GRIP1: variants seen among roughly 807,000 people sequenced by gnomAD.
The protein encoded by GRIP1 is glutamate receptor-interacting protein 1.
GRIP1 carries 45 observed loss-of-function variants against 129.9 expected under a neutral mutation model. The ratio of observed to expected loss-of-function variants is 0.35; its 90% CI spans 0.27 to 0.44. The LOEUF (loss-of-function observed/expected upper bound fraction) is 0.44, where lower values mean the gene tolerates loss of function less well. Among genes scored for constraint, GRIP1 ranks in the 20% least tolerant of loss-of-function variants. The probability of loss-of-function intolerance (pLI) is 1.00; values close to 1 mark genes in which losing one functional copy is unlikely to be tolerated. For synonymous variants in GRIP1, 530 were observed against 520.8 expected, an observed-to-expected ratio of 1.02 and a Z score of -0.24; for missense variants, 1,196 against 1,396.8, an observed-to-expected ratio of 0.86 and a Z score of 2.29.
At chr12:66,486,611 C>T (rs1263290084) in intron 7 of GRIP1, among the ~76,000 whole-genome samples, 1 of 152,078 alleles carries the variant, frequency 6.6e-6, no homozygotes, top group African/African-American at 2.4e-5. Context: ...TGTTGCCATC[C>T]ACTTAAGATG....
At chr12:66,842,129 C>T (rs980948217) in intron 1 of GRIP1, among the ~76,000 whole-genome samples, 3 of 151,794 alleles carry the variant, frequency 2.0e-5, no homozygotes, top group Non-Finnish European at 4.4e-5. Flanking sequence ...AGTATATGCC[C>T]ATGATAGAAA....
intron 23 of GRIP1, among the ~76,000 whole-genome samples, chr12:66,358,040 C>A (rs548322685): frequency 1.3e-5 from 2 of 152,212 alleles, no homozygotes; most frequent in East Asian, 3.9e-4. Context: ...ATTACAGGCA[C>A]CTGCCCCTAC....
At chr12:67,065,087 A>AT (rs1411827880) in intron 1 of GRIP1, 1 of 151,950 alleles carries the variant, frequency 6.6e-6, no homozygotes, top group African/African-American at 2.4e-5. Context: ...TGAACTCATC[A>AT]TTTTTTATGG....
intron 1 of GRIP1, among the ~76,000 whole-genome samples, chr12:66,946,320 T>C (rs1360916080): frequency 6.6e-6 from 1 of 152,216 alleles, no homozygotes; most frequent in Non-Finnish European, 1.5e-5. Flanking sequence ...CAGCTTTAGA[T>C]AACCTAAACC....
chr12:66,604,177 C>T (rs890826673), intron 1 of GRIP1, among the ~76,000 whole-genome samples: 4 of 152,130 alleles, frequency 2.6e-5, no homozygotes, highest in Non-Finnish European at 5.9e-5. Context: ...ACTGCGATGG[C>T]CCCGGAGCAT....
intron 1 of GRIP1, among the ~76,000 whole-genome samples, chr12:66,636,496 C>T (rs1036682182): frequency 1.3e-5 from 2 of 152,150 alleles, no homozygotes; most frequent in African/African-American, 4.8e-5. Context: ...CTGACAATAG[C>T]AAGCATCTGT....
chr12:66,656,562 T>C (rs115862257), intron 1 of GRIP1, among the ~76,000 whole-genome samples: 2,011 of 152,264 alleles, frequency 0.013, 53 homozygotes, highest in African/African-American at 0.046. Flanking sequence ...GTTTTTCTTA[T>C]GGTACGGCAT....
chr12:66,949,187 C>T (rs978222429), intron 1 of GRIP1, among the ~76,000 whole-genome samples: 9 of 152,130 alleles, frequency 5.9e-5, no homozygotes, highest in African/African-American at 1.7e-4. Flanking sequence ...GAAAATAACT[C>T]GAACACATAA....
intron 1 of GRIP1, among the ~76,000 whole-genome samples, chr12:66,994,331 A>C (rs1044537449): frequency 6.6e-6 from 1 of 152,104 alleles, no homozygotes; most frequent in Non-Finnish European, 1.5e-5. Context: ...CGCAAAGTTG[A>C]TTCAATATCT....
intron 2 of GRIP1, among the ~76,000 whole-genome samples, chr12:66,596,422 T>G (rs2064051846): frequency 6.6e-6 from 1 of 152,136 alleles, no homozygotes. Flanking sequence ...CAAACTCAGG[T>G]TCAAAGAGAT....
intron 7 of GRIP1, among the ~76,000 whole-genome samples, chr12:66,470,300 C>T (rs2059401588): frequency 6.6e-6 from 1 of 152,152 alleles, no homozygotes; most frequent in Non-Finnish European, 1.5e-5. Context: ...CACCATTCTG[C>T]CCTGCTTCTC....
Position 66,527,863 on chromosome 12 carries a change from G to A in GRIP1, c.502+1968C>T, listed in dbSNP as rs191151088. On this transcript the variant is annotated intron_variant, in intron 5 of 24. Transcript: ENST00000359742. ...GGATGAGGATTGAAAAACTGATTGAGTATGATGATGATTACTTGGATGACA... is the reference window on the plus strand; with the variant it reads ...GGATGAGGATTGAAAAACTGATTGAATATGATGATGATTACTTGGATGACA... Among the ~76,000 whole-genome samples the A allele has an allele frequency of 2.9e-3, 434 of 152,058 alleles. 7 individuals are homozygous for A. The highest frequency in any genetic ancestry group is 4.2e-3 in the Non-Finnish European group (285 of 67,986).
chr12:66,396,531 G>A (rs2056794660), intron 16 of GRIP1, among the ~76,000 whole-genome samples: 1 of 152,208 alleles, frequency 6.6e-6, no homozygotes, highest in Non-Finnish European at 1.5e-5. Flanking sequence ...CAGAGATGAA[G>A]TGAATGGCTT....
intron 1 of GRIP1, among the ~76,000 whole-genome samples, chr12:67,045,882 G>A (rs1278758153): frequency 1.3e-5 from 2 of 152,112 alleles, no homozygotes; most frequent in African/African-American, 2.4e-5. Context: ...GATCAGACCC[G>A]CAACAGTTAA....
chr12:66,351,131 A>G (rs1003610114), intron 24 of GRIP1, among the ~76,000 whole-genome samples: 5 of 152,228 alleles, frequency 3.3e-5, no homozygotes, highest in Admixed American at 6.5e-5. Flanking sequence ...CATAGTAAAA[A>G]TCATCACCAG....
At chr12:66,713,165 A>C (rs1180350237) in intron 1 of GRIP1, among the ~76,000 whole-genome samples, 1 of 151,990 alleles carries the variant, frequency 6.6e-6, no homozygotes, top group East Asian at 1.9e-4. Flanking sequence ...TTTTGTCTTT[A>C]TGACAGTCAA....
intron 1 of GRIP1, among the ~76,000 whole-genome samples, chr12:66,872,246 T>C (rs1396696748): frequency 6.6e-6 from 1 of 152,066 alleles, no homozygotes; most frequent in Non-Finnish European, 1.5e-5. Flanking sequence ...CTAACTATTT[T>C]GCTGGCATTG....
At chr12:66,366,035 CT>C (rs1264278348) in intron 23 of GRIP1, among the ~76,000 whole-genome samples, 1 of 152,200 alleles carries the variant, frequency 6.6e-6, no homozygotes, top group African/African-American at 2.4e-5. Context: ...TTTATCACTC[CT>C]TGCCTGAAGA....
chr12:66,984,960 G>A (rs1175502543), intron 1 of GRIP1, among the ~76,000 whole-genome samples: 2 of 152,140 alleles, frequency 1.3e-5, no homozygotes, highest in Non-Finnish European at 2.9e-5. Context: ...TTGTCAGCTG[G>A]GGTGGCTAAA....
Sources: allele counts gnomAD v4.1 joint callset (sites outside exome capture counted in the v4.1 genomes callset), GRCh38; gene constraint gnomAD v4.1.1; transcripts MANE v1.5; gene names NCBI Gene and HGNC (gene_info 2026-07-23, HGNC 2026-07-21).